The following WDFY4 variants were observed in gnomAD, a reference collection of about 807,000 sequenced individuals.
WDFY4 encodes WDFY family member 4, also known as WD repeat- and FYVE domain-containing protein 4.
A neutral mutation model predicts 351.9 loss-of-function variants in WDFY4; 169 were observed. The ratio of observed to expected loss-of-function variants is 0.48; its 90% confidence interval spans 0.42 to 0.55. The LOEUF is 0.55. WDFY4 is among the 20% of genes least tolerant of loss of function. The pLI is 0.00. For missense variants in WDFY4, 3,803 were observed against 3,935.6 expected (o/e 0.97, Z 0.90); for synonymous variants, 1,622 against 1,574.6 (o/e 1.03, Z -0.71).
intron 8 of WDFY4, among the ~76,000 whole-genome samples, chr10:48,730,544 A>C (rs1271102553): frequency 3.3e-5 from 5 of 152,202 alleles, no homozygotes; most frequent in Non-Finnish European, 7.3e-5. Flanking sequence ...GGGTCAGGAA[A>C]GTGTAATTAT....
chr10:48,805,407 C>T lies in WDFY4; in HGVS notation c.4632C>T (p.Thr1544=), dbSNP rs1021107117. The T allele has an allele frequency of 1.9e-6, 3 of 1,548,522 alleles. No homozygotes were observed. The highest frequency in any genetic ancestry group is 2.6e-6 in the Non-Finnish European group (3 of 1,147,004). ...LACQLRGHFS[T]QDLLRIGLFV... is the part of the protein sequence containing the mutation. ...GTCAGCTGAGGGGCCACTTCAGCACCCAGGACTTGCTCAGGTACCACACCA... is the reference window on the plus strand; with the variant it reads ...GTCAGCTGAGGGGCCACTTCAGCACTCAGGACTTGCTCAGGTACCACACCA... Residue 1544 remains threonine (T), a synonymous_variant, in exon 26 of 62, where the codon ACC becomes ACT. Transcript: ENST00000325239.
At chr10:48,924,756 C>A (rs1019548128) in intron 47 of WDFY4, among the ~76,000 whole-genome samples, 10 of 152,264 alleles carry the variant, frequency 6.6e-5, no homozygotes, top group African/African-American at 2.4e-4. Context: ...AAAGTAATGG[C>A]AACCAATATA....
rs756889571 is a variant in WDFY4 at position 48,832,533 on chromosome 10, C to T, written c.6527-40C>T. 3.3e-6 allele frequency: 5 copies of T among 1,496,202 alleles called. No homozygotes were observed. In the Admixed American group the frequency reaches 1.1e-4, roughly 32 times the overall value. 92.7% of individuals were successfully genotyped at this position (1,496,202 alleles called of 1,614,324 possible). ...GCTAGCTATAAAAATAGTGTGTGCT[C>T]TCACTTCACCTCTGACATTCTTTGC... On this transcript the variant is annotated intron_variant, in intron 38 of 61. Transcript: ENST00000325239.
rs765670307 is a variant in WDFY4 at position 48,788,555 on chromosome 10, G to A, written c.3834G>A (p.Thr1278=). Residue 1278 remains threonine (T), a synonymous_variant, in exon 21 of 62, where the codon ACG becomes ACA. Coordinates refer to ENST00000325239, the MANE Select transcript of WDFY4 (RefSeq NM_001394531.1). ...GGGAGGACCTGGACAGTGAAGCCACGCCCTTTGTTGCAGAAGAAAGAGTTT... is the reference window on the plus strand; with the variant it reads ...GGGAGGACCTGGACAGTGAAGCCACACCCTTTGTTGCAGAAGAAAGAGTTT... ...VQGEDLDSEA[T]PFVAEERVSF... 59 of 1,552,048 alleles carry A rather than the reference G, an allele frequency of 3.8e-5. No individual in the cohort carries two copies. The East Asian group carries it at 5.6e-4, about 15-fold the overall frequency.
rs187904889 is a variant in WDFY4 at position 48,847,172 on chromosome 10, G to A, written c.6663+14463G>A. 2.6e-3 allele frequency among the ~76,000 whole-genome samples: 393 copies of A among 152,166 alleles called. 1 individual carries two copies. The highest frequency in any genetic ancestry group is 9.2e-3 in the Admixed American group (141 of 15,292). On this transcript the variant is annotated intron_variant, in intron 39 of 61. Transcript: ENST00000325239. The stretch of plus-strand genomic sequence containing the variant: ...TGGTTTCCCCTGAGGCCTCTTTTCT[G>A]GCTCAGAGATGCTGCCTTCCCCATG...
rs376312838 is a variant in WDFY4 at position 48,849,529 on chromosome 10, G to A, written c.6663+16820G>A. Among the ~76,000 whole-genome samples, 3 of 152,342 alleles carry A rather than the reference G, an allele frequency of 2.0e-5. No individual in the cohort carries two copies. The East Asian group carries it at 5.8e-4, about 29-fold the overall frequency. On this transcript the variant is annotated intron_variant, in intron 39 of 61. Coordinates refer to ENST00000325239, the MANE Select transcript of WDFY4 (RefSeq NM_001394531.1). ...CAACGAGCTGTTGACAGCCAAGAGA[G>A]CCTGTGGAATGGCGTCTCCCTCAGG...
At chr10:48,690,433 C>T (rs972360771) in intron 1 of WDFY4, among the ~76,000 whole-genome samples, 9 of 152,178 alleles carry the variant, frequency 5.9e-5, no homozygotes, top group Admixed American at 5.9e-4. Flanking sequence ...CCAGTGGCAC[C>T]TTTGCCTGAG....
chr10:48,867,403 A>G, intron 40 of WDFY4, 61 bp downstream of exon 40: 1 of 1,163,800 alleles, frequency 8.6e-7, no homozygotes, highest in Non-Finnish European at 1.2e-6. Context: ...TGAACCTGAA[A>G]AATAATTGGA....
At chr10:48,885,269 T>A (rs2070408384) in intron 43 of WDFY4, among the ~76,000 whole-genome samples, 1 of 152,218 alleles carries the variant, frequency 6.6e-6, no homozygotes, top group Admixed American at 6.5e-5. Flanking sequence ...TTCTCATACA[T>A]ACTAACTTTT....
At position 48,686,429 on chromosome 10, in the gene WDFY4, G is replaced by C. The variant is rs534621906; in HGVS notation, c.-18+1428G>C. The stretch of plus-strand genomic sequence containing the variant: ...TGCTGACACCTTAGATTTTTTTAAA[G>C]ATCAGCATCATCTCTGAGGTCCTCT... On this transcript the variant is annotated intron_variant, in intron 1 of 61. Coordinates refer to ENST00000325239, the MANE Select transcript of WDFY4 (RefSeq NM_001394531.1). Among the ~76,000 whole-genome samples, 3 of 151,612 alleles carry C rather than the reference G, an allele frequency of 2.0e-5. No homozygotes were observed. In the South Asian group the frequency reaches 6.3e-4, roughly 32 times the overall value.
chr10:48,905,858 A>G (rs73294685), intron 47 of WDFY4, among the ~76,000 whole-genome samples: 6,128 of 152,244 alleles, frequency 0.04, 390 homozygotes, highest in African/African-American at 0.14. Flanking sequence ...TTTTAGAATC[A>G]CCTGATGTGT....
Position 48,780,114 on chromosome 10 carries a change from G to C in WDFY4, c.3571G>C (p.Ala1191Pro). The C allele has an allele frequency of 6.4e-7, 1 of 1,551,896 alleles. No homozygotes were observed. The highest frequency in any genetic ancestry group is 8.7e-7 in the Non-Finnish European group (1 of 1,146,962). The change falls in exon 19 of 62, where the codon GCC becomes CCC. Residue 1191 changes from alanine (A) to proline (P), a missense_variant. Coordinates refer to ENST00000325239, the MANE Select transcript of WDFY4 (RefSeq NM_001394531.1). ...TCLDGQVIGS[A>P]KMLYIQALPG... ...TCTGGATGGACAGGTCATTGGCTCT[G>C]CCAAGGTGAGATGGCTCCTCCAAGC...
chr10:48,747,640 T>G (rs2065054748), intron 12 of WDFY4, among the ~76,000 whole-genome samples: 1 of 152,214 alleles, frequency 6.6e-6, no homozygotes, highest in Admixed American at 6.5e-5. Flanking sequence ...ATCTAGCCAT[T>G]TAGGTTTTCT....
At chr10:48,796,715 G>T (rs985304409) in intron 24 of WDFY4, among the ~76,000 whole-genome samples, 2 of 152,168 alleles carry the variant, frequency 1.3e-5, no homozygotes, top group Non-Finnish European at 2.9e-5. Flanking sequence ...CTCCTTGCAG[G>T]CTGTCATGAG....
chr10:48,770,799 C>G (rs539369277), intron 13 of WDFY4, among the ~76,000 whole-genome samples: 76 of 152,330 alleles, frequency 5.0e-4, no homozygotes, highest in African/African-American at 1.8e-3. Flanking sequence ...TCTGCCAGTT[C>G]AGGCTGGCTG....
Position 48,933,416 on chromosome 10 carries a change from G to A in WDFY4, c.7587-8390G>A, listed in dbSNP as rs573146844. ...GGTGCCCTTTCCCAAGGACTTAGCT[G>A]CCATCTGGCTTTTCCATACAAGCTT... On this transcript the variant is annotated intron_variant, in intron 47 of 61. Coordinates refer to ENST00000325239, the MANE Select transcript of WDFY4 (RefSeq NM_001394531.1). Among the ~76,000 whole-genome samples, 309 of 152,326 alleles carry A rather than the reference G, an allele frequency of 2.0e-3. 1 individual carries two copies. Among genetic ancestry groups the A allele is most frequent in the African/African-American group, 7.1e-3 (297 of 41,582 alleles).
rs531338575 is a variant in WDFY4 at position 48,772,046 on chromosome 10, A to G, written c.2554-2412A>G. Among the ~76,000 whole-genome samples the G allele has an allele frequency of 1.4e-4, 21 of 152,298 alleles. No individual in the cohort carries two copies. In the South Asian group the frequency reaches 4.1e-3, roughly 30 times the overall value. On this transcript the variant is annotated intron_variant, in intron 13 of 61. Transcript: ENST00000325239. ...GCCATTGATCTCCTTTCTTGAAACT[A>G]CAAACTGCGGCAAAGGTATAAAACA... is the stretch of plus-strand genomic sequence containing the variant.
At chr10:48,714,110 A>G (rs2063835006) in intron 2 of WDFY4, among the ~76,000 whole-genome samples, 1 of 152,236 alleles carries the variant, frequency 6.6e-6, no homozygotes, top group Non-Finnish European at 1.5e-5. Context: ...GAGGAAAGAG[A>G]GGCTTAGGGA....
At chr10:48,709,009 C>G (rs79913079) in intron 1 of WDFY4, among the ~76,000 whole-genome samples, 17 of 71,304 alleles carry the variant, frequency 2.4e-4, no homozygotes. Flanking sequence ...CAAACAACAC[C>G]CCCCCCCCCC....
Sources: gnomAD v4.1 joint callset for allele counts (sites outside exome capture counted in the v4.1 genomes callset) on GRCh38, gnomAD v4.1.1 for gene constraint, MANE v1.5 for transcripts, NCBI Gene and HGNC (gene_info 2026-07-23, HGNC 2026-07-21) for gene names.